Variants in ZFHX3 observed in about 807,000 individuals in gnomAD.
ZFHX3 encodes the protein zinc finger homeobox 3, also known as zinc finger homeobox protein 3.
A neutral mutation model predicts 279.1 loss-of-function variants in ZFHX3; 42 were observed. The observed-to-expected ratio is 0.15, with a 90% confidence interval of 0.12 to 0.19. The LOEUF is 0.19. Ranked by LOEUF, ZFHX3 falls within the 10% of genes least tolerant of loss-of-function variation. The pLI is 1.00. For missense variants in ZFHX3, 4,981 were observed against 4,754.0 expected (o/e 1.05, Z -1.40); for synonymous variants, 2,293 against 1,957.8 (o/e 1.17, Z -4.52).
At chr16:73,759,656 C>T (rs2053843367) in intron 1 of ZFHX3, among the ~76,000 whole-genome samples, 1 of 152,132 alleles carries the variant, frequency 6.6e-6, no homozygotes. Context: ...CTTCTAAATT[C>T]CTTCCCCTGA....
chr16:73,228,677 A>G (rs1331580225), intron 5 of ZFHX3, among the ~76,000 whole-genome samples: 2 of 152,102 alleles, frequency 1.3e-5, no homozygotes, highest in African/African-American at 2.4e-5. Context: ...AACAAGACCA[A>G]ATGAAAACCA....
chr16:72,831,345 C>G (rs1055215239), intron 4 of ZFHX3, among the ~76,000 whole-genome samples: 1 of 152,118 alleles, frequency 6.6e-6, no homozygotes, highest in Admixed American at 6.5e-5. Flanking sequence ...GTTTATGAGG[C>G]AGTCACTGGG....
chr16:73,457,443 G>T (rs2018392471), intron 2 of ZFHX3, among the ~76,000 whole-genome samples: 1 of 152,178 alleles, frequency 6.6e-6, no homozygotes, highest in Non-Finnish European at 1.5e-5. Context: ...TGAATAAGCT[G>T]CTGAACCTCT....
At chr16:73,798,432 T>C (rs545864677) in intron 1 of ZFHX3, among the ~76,000 whole-genome samples, 2 of 150,860 alleles carry the variant, frequency 1.3e-5, no homozygotes, top group East Asian at 3.9e-4. Context: ...AGAAGGTGCA[T>C]GTGAGGAAAA....
intron 1 of ZFHX3, among the ~76,000 whole-genome samples, chr16:73,710,834 T>C (rs925195207): frequency 3.3e-5 from 5 of 152,044 alleles, no homozygotes; most frequent in Admixed American, 1.3e-4. Context: ...CTCACACACT[T>C]TATTACTGGT....
intron 1 of ZFHX3, among the ~76,000 whole-genome samples, chr16:73,017,177 G>A (rs1206395795): frequency 2.6e-5 from 4 of 151,190 alleles, no homozygotes; most frequent in Non-Finnish European, 5.9e-5. Flanking sequence ...AGGCTGCATG[G>A]AGCTGTGATT....
chr16:73,077,434 C>A (rs1597149107), intron 8 of ZFHX3, among the ~76,000 whole-genome samples: 2 of 151,696 alleles, frequency 1.3e-5, no homozygotes, highest in Middle Eastern at 6.8e-3. Context: ...AAAATAGAGG[C>A]ATTAGTCCTG....
chr16:72,986,619 C>T (rs532942398), intron 1 of ZFHX3, among the ~76,000 whole-genome samples: 3 of 152,140 alleles, frequency 2.0e-5, no homozygotes, highest in African/African-American at 7.2e-5. Context: ...TTCCTCGAGA[C>T]GCAAGTTATT....
At chr16:73,779,521 T>A (rs1959379302) in intron 1 of ZFHX3, among the ~76,000 whole-genome samples, 1 of 152,058 alleles carries the variant, frequency 6.6e-6, no homozygotes, top group South Asian at 2.1e-4. Context: ...ATTCTCTCAT[T>A]TACCCTGCCG....
intron 1 of ZFHX3, among the ~76,000 whole-genome samples, chr16:73,845,575 A>G (rs1180723183): frequency 2.0e-5 from 3 of 151,870 alleles, no homozygotes; most frequent in African/African-American, 7.2e-5. Context: ...TTAGAAAACC[A>G]GATAACTAGC....
intron 2 of ZFHX3, among the ~76,000 whole-genome samples, chr16:73,573,673 G>C (rs574525054): frequency 1.9e-3 from 288 of 152,296 alleles, no homozygotes; most frequent in African/African-American, 6.5e-3. Context: ...ATTAACCTAT[G>C]TTAATACAGA....
chr16:73,243,110 A>G (rs1188225460), intron 5 of ZFHX3, among the ~76,000 whole-genome samples: 1 of 152,184 alleles, frequency 6.6e-6, no homozygotes, highest in Non-Finnish European at 1.5e-5. Flanking sequence ...CTACAGAAGC[A>G]CCAAGATTGG....
chr16:73,027,964 A>G (rs1310208031), intron 1 of ZFHX3, among the ~76,000 whole-genome samples: 3 of 152,106 alleles, frequency 2.0e-5, no homozygotes, highest in Non-Finnish European at 4.4e-5. Context: ...CATATTTCAC[A>G]GAGCCGGGCC....
rs951672936 is a variant in ZFHX3, at chr16:73,473,542, G to A, written c.-1546-17284C>T. ...TTTGATCGACTCATTCGAATTATAT[G>A]AGACCAGAGTAGAATCACAGGGCTC... On this transcript the variant is annotated intron_variant, in intron 2 of 17. Transcript: ENST00000641206. Among the ~76,000 whole-genome samples, 3 of 152,144 alleles carry A rather than the reference G, an allele frequency of 2.0e-5. No individual in the cohort carries two copies. The East Asian group carries it at 5.8e-4, about 30-fold the overall frequency.
chr16:73,712,793 A>G (rs1015675861), intron 1 of ZFHX3, among the ~76,000 whole-genome samples: 1 of 152,218 alleles, frequency 6.6e-6, no homozygotes, highest in African/African-American at 2.4e-5. Context: ...GAGGGGGGAT[A>G]TATAATCTTG....
Position 73,270,463 on chromosome 16 carries a change from G to A in ZFHX3, c.-1193-13327C>T, listed in dbSNP as rs2014110318. 3.9e-5 allele frequency among the ~76,000 whole-genome samples: 6 copies of A among 152,126 alleles called. No homozygotes were observed. In the South Asian group the frequency reaches 8.3e-4, roughly 21 times the overall value. On this transcript the variant is annotated intron_variant, in intron 4 of 17. Coordinates refer to the ZFHX3 transcript ENST00000641206. Reference sequence around the variant, plus strand: ...CTGAGCTCATCTCAGGGGAGGAACCGAGCCTCTCCATCGCCCACAGCACCC... The same window carrying A: ...CTGAGCTCATCTCAGGGGAGGAACCAAGCCTCTCCATCGCCCACAGCACCC...
chr16:73,396,566 C>A (rs1045504416), intron 3 of ZFHX3, among the ~76,000 whole-genome samples: 1 of 152,200 alleles, frequency 6.6e-6, no homozygotes. Flanking sequence ...GGAAAGGAAA[C>A]TTACAATCAT....
chr16:73,637,551 G>C (rs2052538510), intron 2 of ZFHX3, among the ~76,000 whole-genome samples: 1 of 151,992 alleles, frequency 6.6e-6, no homozygotes, highest in Non-Finnish European at 1.5e-5. Flanking sequence ...GTTTTAAAAA[G>C]ACAGGTTGAA....
At chr16:73,861,302 G>A (rs1961876348) in intron 1 of ZFHX3, among the ~76,000 whole-genome samples, 1 of 152,062 alleles carries the variant, frequency 6.6e-6, no homozygotes, top group African/African-American at 2.4e-5. Flanking sequence ...TTCACTCTCA[G>A]AATCAAAATT....
Sources: allele counts gnomAD v4.1 joint callset (sites outside exome capture counted in the v4.1 genomes callset), GRCh38; gene constraint gnomAD v4.1.1; transcripts MANE v1.5; gene names NCBI Gene and HGNC (gene_info 2026-07-23, HGNC 2026-07-21).